Variants in SLC24A2 observed in about 807,000 individuals in gnomAD.
The protein encoded by SLC24A2 is solute carrier family 24 member 2.
SLC24A2 carries 36 observed loss-of-function variants against 62.0 expected under a neutral mutation model. The ratio of observed to expected loss-of-function variants is 0.58; its 90% CI spans 0.44 to 0.77. The LOEUF (loss-of-function observed/expected upper bound fraction) is 0.77. SLC24A2 is among the 30% of genes least tolerant of loss of function. SLC24A2 has a pLI of 0.00. For synonymous variants in SLC24A2, 358 were observed against 294.0 expected (o/e 1.22, Z -2.23); for missense variants, 846 against 817.9 (o/e 1.03, Z -0.42).
intron 2 of SLC24A2, among the ~76,000 whole-genome samples, chr9:19,675,315 A>G (rs1819531024): frequency 1.3e-5 from 2 of 152,058 alleles, no homozygotes; most frequent in African/African-American, 4.8e-5. Flanking sequence ...TTATTGCACT[A>G]GTTTTGTATT....
At chr9:19,792,817 C>G (rs1290754629), upstream of SLC24A2, among the ~76,000 whole-genome samples, 2 of 152,148 alleles carry the variant, frequency 1.3e-5, no homozygotes, top group Non-Finnish European at 2.9e-5. Flanking sequence ...TTCATTCTCT[C>G]CACATATACA....
the SLC24A2 span, among the ~76,000 whole-genome samples, chr9:20,192,638 A>G: frequency 1.3e-5 from 2 of 152,320 alleles, no homozygotes; most frequent in African/African-American, 4.8e-5. Flanking sequence ...CTATGTCATT[A>G]TTAACCTCAG....
chr9:20,204,616 G>A, the SLC24A2 span, among the ~76,000 whole-genome samples: 2 of 152,090 alleles, frequency 1.3e-5, no homozygotes, highest in African/African-American at 4.8e-5. Context: ...CATAAATCAT[G>A]GCAGTAGCAC....
the SLC24A2 span, among the ~76,000 whole-genome samples, chr9:19,898,231 G>C: frequency 6.6e-6 from 1 of 152,270 alleles, no homozygotes; most frequent in East Asian, 1.9e-4. Flanking sequence ...GTGGATGCTG[G>C]CACCTTGTGG....
chr9:19,754,474 G>T (rs571094392), intron 2 of SLC24A2, among the ~76,000 whole-genome samples: 1 of 152,236 alleles, frequency 6.6e-6, no homozygotes, highest in South Asian at 2.1e-4. Flanking sequence ...TTTCCTTCTA[G>T]CATGCCTTCC....
intron 2 of SLC24A2, among the ~76,000 whole-genome samples, chr9:19,654,954 C>T (rs1371372235): frequency 6.6e-6 from 1 of 152,166 alleles, no homozygotes; most frequent in Admixed American, 6.6e-5. Flanking sequence ...CAGGTCCAAG[C>T]TCAAAAAAGC....
the SLC24A2 span, among the ~76,000 whole-genome samples, chr9:19,950,839 G>A: frequency 4.6e-5 from 7 of 152,044 alleles, no homozygotes; most frequent in East Asian, 1.4e-3. Context: ...AAAAGGAAGT[G>A]AAAAATAGAT....
chr9:19,891,637 T>C, the SLC24A2 span, among the ~76,000 whole-genome samples: 1 of 152,136 alleles, frequency 6.6e-6, no homozygotes, highest in Non-Finnish European at 1.5e-5. Flanking sequence ...TCCCAGTGAC[T>C]TGAGAGACTG....
intron 10 of SLC24A2, among the ~76,000 whole-genome samples, chr9:19,519,581 C>A (rs1833093274): frequency 6.6e-6 from 1 of 152,140 alleles, no homozygotes; most frequent in South Asian, 2.1e-4. Context: ...ATCCATCCAT[C>A]CATCCCACAA....
the SLC24A2 span, among the ~76,000 whole-genome samples, chr9:20,244,378 C>T: frequency 1.3e-5 from 2 of 152,072 alleles, no homozygotes; most frequent in African/African-American, 4.8e-5. Context: ...AGAAAGACAG[C>T]CTTTAAGCCA....
the SLC24A2 span, among the ~76,000 whole-genome samples, chr9:20,200,190 T>C: frequency 6.6e-6 from 1 of 152,136 alleles, no homozygotes; most frequent in Non-Finnish European, 1.5e-5. Flanking sequence ...ATTATCTCCA[T>C]TCCACAGAGT....
At chr9:20,217,902 A>G in the SLC24A2 span, among the ~76,000 whole-genome samples, 1 of 152,176 alleles carries the variant, frequency 6.6e-6, no homozygotes, top group Non-Finnish European at 1.5e-5. Flanking sequence ...TCACTTTTGC[A>G]TCCTCCAAGC....
the SLC24A2 span, among the ~76,000 whole-genome samples, chr9:20,019,155 A>AAGGGAGAG: frequency 1.7e-5 from 2 of 117,088 alleles, no homozygotes; most frequent in Admixed American, 8.8e-5. Flanking sequence ...GAAAGAAAGA[A>AAGGGAGAG]AGAGAGAGAG....
chr9:19,977,658 G>T, the SLC24A2 span, among the ~76,000 whole-genome samples: 1 of 152,156 alleles, frequency 6.6e-6, no homozygotes, highest in African/African-American at 2.4e-5. Flanking sequence ...TCCTGCTTCA[G>T]GGATTTTCAT....
the SLC24A2 span, among the ~76,000 whole-genome samples, chr9:20,171,733 C>G: frequency 1.3e-5 from 2 of 152,064 alleles, no homozygotes; most frequent in Admixed American, 1.3e-4. Context: ...TACTACTAGA[C>G]CTAAGAAATG....
chr9:19,528,420 T>G (rs557877852), intron 8 of SLC24A2, among the ~76,000 whole-genome samples: 1 of 152,124 alleles, frequency 6.6e-6, no homozygotes, highest in African/African-American at 2.4e-5. Context: ...ATGTTTAGAT[T>G]CCCTCTGCTC....
the SLC24A2 span, among the ~76,000 whole-genome samples, chr9:19,940,690 A>G: frequency 1.3e-5 from 2 of 152,168 alleles, no homozygotes; most frequent in African/African-American, 4.8e-5. Flanking sequence ...ACAAAGGGCC[A>G]TTTGTTGCAC....
chr9:19,851,273 C>A, the SLC24A2 span, among the ~76,000 whole-genome samples: 1 of 151,312 alleles, frequency 6.6e-6, no homozygotes, highest in Non-Finnish European at 1.5e-5. Context: ...AATCCACCTG[C>A]CTCGGCCTTC....
At chr9:19,895,964 G>C in the SLC24A2 span, 1 of 1,609,390 alleles carries the variant, frequency 6.2e-7, no homozygotes, top group East Asian at 2.2e-5. Context: ...GAGTCTTGGA[G>C]CATGTAACTC....
Sources: allele counts gnomAD v4.1 joint callset (sites outside exome capture counted in the v4.1 genomes callset), GRCh38; gene constraint gnomAD v4.1.1; transcripts MANE v1.5; gene names NCBI Gene and HGNC (gene_info 2026-07-23, HGNC 2026-07-21).